The following MUC17 variants were observed in gnomAD, a reference collection of about 807,000 sequenced individuals.
MUC17 encodes mucin 17, cell surface associated, also known as mucin-17.
MUC17 carries 190 observed loss-of-function variants against 170.3 expected under a neutral mutation model. The ratio of observed to expected loss-of-function variants is 1.12; its 90% CI spans 0.99 to 1.26. MUC17 has a LOEUF of 1.26. Ranked by LOEUF, MUC17 falls within the 50% of genes most tolerant of loss-of-function variation. MUC17 has a pLI of 0.00. For missense variants in MUC17, 6,415 were observed against 5,530.0 expected (o/e 1.16, Z -5.08); for synonymous variants, 2,325 against 2,002.5 (o/e 1.16, Z -4.30).
Position 101,033,184 on chromosome 7 carries a change from A to T in MUC17, c.1768A>T (p.Thr590Ser), listed in dbSNP as rs200701573. The change falls in exon 3 of 13, where the codon ACT (threonine) becomes TCT (serine). Residue 590 changes from threonine (T) to serine (S), a missense_variant. By Grantham distance (58) the Thr-to-Ser change is moderately conservative. Transcript: ENST00000306151. ...GGTGGTCAGTTCTGAGGCTAGCACC[A>T]CTTCAACAACTCCTGCTGACTCCAA... ...RLVVSSEASTTSTTPADSNTF... is the reference protein window; with the variant it reads ...RLVVSSEASTSSTTPADSNTF... The T allele has an allele frequency of 1.4e-4, 231 of 1,606,812 alleles. No individual in the cohort carries two copies. The highest frequency in any genetic ancestry group is 1.9e-4 in the Non-Finnish European group (223 of 1,177,770).
Position 101,039,387 on chromosome 7 carries a change from T to G in MUC17, c.7971T>G (p.Pro2657=). ...AGGCTAGCACCCTTTCAACAACTCC[T>G]GTTGACACCAGGACACTTGTGACCA... ...SSEASTLSTT[P]VDTRTLVTTS... is the part of the protein sequence containing the mutation. Residue 2657 remains proline, a synonymous_variant, in exon 3 of 13, where the codon CCT becomes CCG. Coordinates refer to ENST00000306151, the MANE Select transcript of MUC17 (RefSeq NM_001040105.2). 2.5e-6 allele frequency: 4 copies of G among 1,612,216 alleles called. No homozygotes were observed. The highest frequency in any genetic ancestry group is 1.3e-5 in the African/African-American group (1 of 74,750).
In MUC17 at chr7:101,038,355, T is replaced by G. The variant is rs139907432; in HGVS notation, c.6939T>G (p.Ser2313=). ...ACTCCAACACTCCTTTCACTACTTC[T>G]ACTGAAGCCAGTTCACCTCCTCCCA... is the stretch of plus-strand genomic sequence containing the variant. ...PVDSNTPFTT[S]TEASSPPPTA... The change falls in exon 3 of 13, where the codon TCT becomes TCG. Residue 2313 remains serine (S), a synonymous_variant. Coordinates refer to ENST00000306151, the MANE Select transcript of MUC17 (RefSeq NM_001040105.2). 1.5e-5 allele frequency: 25 copies of G among 1,613,662 alleles called. No individual in the cohort carries two copies. The African/African-American group carries it at 2.9e-4, about 19-fold the overall frequency.
In MUC17 at chr7:101,033,142, C is replaced by G. The variant is rs760674012; in HGVS notation, c.1726C>G (p.Pro576Ala). The G allele has an allele frequency of 1.9e-6, 3 of 1,611,540 alleles. No homozygotes were observed. Among genetic ancestry groups the G allele is most frequent in the South Asian group, 2.2e-5 (2 of 90,956 alleles). Residue 576 changes from proline (P) to alanine (A), a missense_variant, in exon 3 of 13, where the codon CCT becomes GCT. By Grantham distance (27) the Pro-to-Ala change is conservative (BLOSUM62 -1). Coordinates refer to ENST00000306151, the MANE Select transcript of MUC17 (RefSeq NM_001040105.2). Reference protein sequence around the residue: ...SEGSTPLTNMPVSTRLVVSSE... With the variant: ...SEGSTPLTNMAVSTRLVVSSE... ...AGGAAGCACTCCATTAACAAACATG[C>G]CTGTCAGCACCAGGCTGGTGGTCAG...
rs148833431 is a variant in MUC17, at chr7:101,036,808, A to G, written c.5392A>G (p.Ile1798Val). The G allele has an allele frequency of 9.5e-5, 153 of 1,605,654 alleles. No individual in the cohort carries two copies. Among genetic ancestry groups the G allele is most frequent in the Admixed American group, 1.0e-4 (6 of 59,600 alleles). ...TCCTACAACTGCTGAAGGTACCAGCATACCAACCTCGACTCTTAGTGAAGG... is the reference window on the plus strand; with the variant it reads ...TCCTACAACTGCTGAAGGTACCAGCGTACCAACCTCGACTCTTAGTGAAGG... ...SSPTTAEGTS[I>V]PTSTLSEGMT... is the part of the protein sequence containing the mutation. Residue 1798 changes from isoleucine to valine, a missense_variant, in exon 3 of 13, where the codon ATA (isoleucine) becomes GTA (valine). Ile to Val is a conservative substitution (Grantham distance 29). Coordinates refer to ENST00000306151, the MANE Select transcript of MUC17 (RefSeq NM_001040105.2).
In MUC17 at chr7:101,036,525, C is replaced by T. The variant is rs1305960432; in HGVS notation, c.5109C>T (p.Ala1703=). 1 of 1,610,666 alleles carries T rather than the reference C, an allele frequency of 6.2e-7. No homozygotes were observed. The highest frequency in any genetic ancestry group is 8.5e-7 in the Non-Finnish European group (1 of 1,178,036). ...TSITVRTTPV[A]SSAISTLSTT... Reference sequence around the variant, plus strand: ...TAACTGTCAGAACAACACCGGTGGCCAGCTCTGCAATCAGCACCCTTTCAA... The same window carrying T: ...TAACTGTCAGAACAACACCGGTGGCTAGCTCTGCAATCAGCACCCTTTCAA... Residue 1703 remains alanine, a synonymous_variant, in exon 3 of 13, where the codon GCC becomes GCT. Transcript: ENST00000306151.
chr7:101,039,696 C>T lies in MUC17; in HGVS notation c.8280C>T (p.Thr2760=), dbSNP rs777559643. The change falls in exon 3 of 13, where the codon ACC becomes ACT. Residue 2760 remains threonine (T), a synonymous_variant. Coordinates refer to ENST00000306151, the MANE Select transcript of MUC17 (RefSeq NM_001040105.2). ...STPLTSILVS[T]LPVASSEAST... ...CATTAACAAGTATACTTGTCAGCAC[C>T]CTGCCAGTGGCCAGTTCTGAGGCTA... 1 of 1,613,264 alleles carries T rather than the reference C, an allele frequency of 6.2e-7. No homozygotes were observed. The highest frequency in any genetic ancestry group is 2.2e-5 in the East Asian group (1 of 44,850).
intron 7 of MUC17, 105 bp from the exon 8 acceptor site, chr7:101,051,508 C>T: frequency 1.8e-6 from 2 of 1,101,870 alleles, no homozygotes; most frequent in Non-Finnish European, 2.6e-6. Context: ...ATTCCCACCT[C>T]CCCATCGCAG....
rs1336352446 is a variant in MUC17 at position 101,036,646 on chromosome 7, C to T, written c.5230C>T (p.Pro1744Ser). The T allele has an allele frequency of 6.2e-7, 1 of 1,613,020 alleles. No homozygotes were observed. The highest frequency in any genetic ancestry group is 2.2e-5 in the East Asian group (1 of 44,822). The part of the protein sequence containing the change: ...SEGTSMPNST[P>S]SEGTTPLTSI... ...AGGTACCAGCATGCCAAACTCAACT[C>T]CTAGTGAAGGAACCACTCCATTAAC... The change falls in exon 3 of 13, where the codon CCT becomes TCT. Residue 1744 changes from proline to serine, a missense_variant. Coordinates refer to ENST00000306151, the MANE Select transcript of MUC17 (RefSeq NM_001040105.2).
intron 1 of MUC17, among the ~76,000 whole-genome samples, chr7:101,023,522 G>A (rs1794130415): frequency 6.6e-6 from 1 of 152,088 alleles, no homozygotes; most frequent in Non-Finnish European, 1.5e-5. Context: ...GAGTAGCTGG[G>A]ATTACAGGCG....
intron 1 of MUC17, among the ~76,000 whole-genome samples, chr7:101,022,673 T>C (rs1415477929): frequency 6.6e-6 from 1 of 151,920 alleles, no homozygotes; most frequent in Non-Finnish European, 1.5e-5. Context: ...ATAAATTAGC[T>C]GGAAATGGTG....
At position 101,041,956 on chromosome 7, in the gene MUC17, GA is replaced by G; in HGVS notation, c.10542del (p.Gly3515GlufsTer5). ...CAGCATGCCAACATCAACTGCTGGT[GA>G]AGGAAGCACTCCATTAACAAATATG... Reference protein sequence around the residue: ...VTSMPTSTAGEGSTPLTNMPV... With the variant: ...VTSMPTSTAGXGSTPLTNMPV... On this transcript the variant is annotated frameshift_variant, in exon 3 of 13. Transcript: ENST00000306151. LOFTEE classifies it high-confidence loss of function. 1 of 1,613,084 alleles carries G rather than the reference GA, an allele frequency of 6.2e-7. No homozygotes were observed.
chr7:101,031,054 A>G, intron 1 of MUC17, 66 bp from the exon 2 acceptor site: 4 of 1,524,482 alleles, frequency 2.6e-6, no homozygotes, highest in Non-Finnish European at 3.5e-6. Flanking sequence ...GTAGAGACTC[A>G]GAGTCTTCAA....
In MUC17 at chr7:101,031,919, C is replaced by A. The variant is rs1794289181; in HGVS notation, c.503C>A (p.Pro168His). The stretch of plus-strand genomic sequence containing the variant: ...ACAATGGCTTTTGTCAGCACTGCAC[C>A]TCTTCCCAGTTTTGAGGCCTACACA... ...SSTMAFVSTA[P>H]LPSFEAYTSL... Residue 168 changes from proline to histidine, a missense_variant, in exon 3 of 13, where the codon CCT (proline) becomes CAT (histidine). Coordinates refer to ENST00000306151, the MANE Select transcript of MUC17 (RefSeq NM_001040105.2). 2.5e-6 allele frequency: 4 copies of A among 1,613,970 alleles called. No homozygotes were observed. Among genetic ancestry groups the A allele is most frequent in the Non-Finnish European group, 3.4e-6 (4 of 1,180,024 alleles).
Position 101,038,631 on chromosome 7 carries a change from C to T in MUC17, c.7215C>T (p.Ser2405=), listed in dbSNP as rs545702002. 1.1e-5 allele frequency: 18 copies of T among 1,614,146 alleles called. No individual in the cohort carries two copies. The South Asian group carries it at 1.9e-4, about 17-fold the overall frequency. Residue 2405 remains serine (S), a synonymous_variant, in exon 3 of 13, where the codon AGC becomes AGT. Transcript: ENST00000306151. ...CTCCACTAACAAGTGTGCCTGTCAG[C>T]ACCATGCCGGTGGTCAGTTCTGAGG... The part of the protein sequence containing the change: ...GSTPLTSVPV[S]TMPVVSSEAS...
intron 12 of MUC17, among the ~76,000 whole-genome samples, chr7:101,057,002 G>C (rs1347638102): frequency 6.6e-6 from 1 of 151,520 alleles, no homozygotes; most frequent in East Asian, 1.9e-4. Flanking sequence ...TCACACTCCT[G>C]GTTTGTTTCA....
At position 101,038,048 on chromosome 7, in the gene MUC17, C is replaced by T; in HGVS notation, c.6632C>T (p.Pro2211Leu). ...SPTTSEGTSM[P>L]TSTPSEGSTP... ...ACAACTTCTGAAGGTACCAGCATGCCAACCTCAACTCCTAGTGAAGGAAGC... is the reference window on the plus strand; with the variant it reads ...ACAACTTCTGAAGGTACCAGCATGCTAACCTCAACTCCTAGTGAAGGAAGC... Residue 2211 changes from proline (P) to leucine (L), a missense_variant, in exon 3 of 13, where the codon CCA becomes CTA. Pro to Leu is a moderately conservative substitution (Grantham distance 98). Transcript: ENST00000306151. The T allele has an allele frequency of 1.4e-6, 2 of 1,406,634 alleles. No individual in the cohort carries two copies. The highest frequency in any genetic ancestry group is 3.0e-5 in the East Asian group (1 of 32,922). 87.1% of individuals were successfully genotyped at this position (1,406,634 alleles called of 1,614,324 possible). A position where few individuals can be genotyped will look rare whatever the true frequency, so the allele number is the denominator to read the frequency against.
rs556385232 is a variant in MUC17 at position 101,033,117 on chromosome 7, A to G, written c.1701A>G (p.Glu567=). 7.6e-5 allele frequency: 123 copies of G among 1,612,104 alleles called. No homozygotes were observed. In the South Asian group the frequency reaches 1.1e-3, roughly 15 times the overall value. The change falls in exon 3 of 13, where the codon GAA becomes GAG. Residue 567 remains glutamate (E), a synonymous_variant. Transcript: ENST00000306151. ...GTSIPTSTPS[E]GSTPLTNMPV... ...GCATACCAACCTCAACTCCTAGTGA[A>G]GGAAGCACTCCATTAACAAACATGC...
At chr7:101,057,813 C>T (rs1197238283) in intron 12 of MUC17, among the ~76,000 whole-genome samples, 190 bp from the exon 13 acceptor site, 1 of 152,094 alleles carries the variant, frequency 6.6e-6, no homozygotes, top group Non-Finnish European at 1.5e-5. Context: ...CCAGAAGTTA[C>T]AGGCCATGGT....
chr7:101,023,687 T>C (rs1473974562), intron 1 of MUC17, among the ~76,000 whole-genome samples: 1 of 152,244 alleles, frequency 6.6e-6, no homozygotes, highest in Non-Finnish European at 1.5e-5. Flanking sequence ...ATTACAGGCA[T>C]GAGCCACTGC....
Sources: gnomAD v4.1 joint callset for allele counts (sites outside exome capture counted in the v4.1 genomes callset) on GRCh38, gnomAD v4.1.1 for gene constraint, MANE v1.5 for transcripts, NCBI Gene and HGNC (gene_info 2026-07-23, HGNC 2026-07-21) for gene names.